BTD: variants seen among roughly 807,000 people sequenced by gnomAD.
The protein encoded by BTD is biocytinase.
Under a neutral mutation model 17.7 loss-of-function variants are expected in BTD, and 13 were observed. The observed-to-expected ratio is 0.74, with a 90% CI of 0.48 to 1.17. The LOEUF is 1.17. Ranked by LOEUF, BTD falls within the 50% of genes most tolerant of loss-of-function variation. The probability of loss-of-function intolerance (pLI) is 0.00; values close to 1 mark genes in which losing one functional copy is unlikely to be tolerated. For missense variants in BTD, 674 were observed against 650.4 expected (o/e 1.04, Z -0.39); for synonymous variants, 240 against 245.2 (o/e 0.98, Z 0.20).
rs912499874 is a variant in BTD at position 15,650,479 on chromosome 3, A to C, written c.*4991A>C. On this transcript the variant is annotated 3_prime_UTR_variant, in exon 4 of 4. Transcript: ENST00000643237. ...ATATTAACTCGTAACTGGGGAGTCT[A>C]AGAATAAATTCTCTTCAGCCATTGC... Among the ~76,000 whole-genome samples, 1 of 151,950 alleles carries C rather than the reference A, an allele frequency of 6.6e-6. No individual in the cohort carries two copies. The highest frequency in any genetic ancestry group is 2.4e-5 in the African/African-American group (1 of 41,394).
rs994104870 is a variant in BTD at position 15,647,343 on chromosome 3, A to G, written c.*1855A>G. 6.6e-6 allele frequency: 1 copy of G among 152,262 alleles called. No homozygotes were observed. Among genetic ancestry groups the G allele is most frequent in the South Asian group, 2.1e-4 (1 of 4,834 alleles). 9.4% of individuals were successfully genotyped at this position (152,262 alleles called of 1,614,324 possible). On this transcript the variant is annotated 3_prime_UTR_variant, in exon 4 of 4. Transcript: ENST00000643237. ...ATTGCCTTATGCCAAGATGATTCAAATAAGCCTGAGAAAGAGAGGCCAGCG... is the reference window on the plus strand; with the variant it reads ...ATTGCCTTATGCCAAGATGATTCAAGTAAGCCTGAGAAAGAGAGGCCAGCG...
Position 15,678,397 on chromosome 3 carries a change from T to A in BTD, c.400-31663T>A, listed in dbSNP as rs752537862. 83 of 1,535,192 alleles carry A rather than the reference T, an allele frequency of 5.4e-5. 2 individuals carry two copies. In the South Asian group the frequency reaches 9.5e-4, roughly 17 times the overall value. On this transcript the variant is annotated intron_variant, in intron 3 of 3. Coordinates refer to the BTD transcript ENST00000672141. ...TGAAATATATGACTAAATTTGAATG[T>A]TATATATGCTGGAAAAATATTCTTT...
At position 15,644,343 on chromosome 3, in the gene BTD, A is replaced by G. The variant is rs2065628851; in HGVS notation, c.427A>G (p.Ile143Val). Residue 143 changes from isoleucine to valine, a missense_variant, in exon 4 of 4, where the codon ATC becomes GTC. Ile to Val is a conservative substitution (Grantham distance 29). Transcript: ENST00000643237. ...EVLQRLSCMAIRGDMFLVANL... is the reference protein window; with the variant it reads ...EVLQRLSCMAVRGDMFLVANL... Reference sequence around the variant, plus strand: ...GCTCCAGCGCCTGAGTTGTATGGCCATCAGGGGAGATATGTTCTTGGTGGC... The same window carrying G: ...GCTCCAGCGCCTGAGTTGTATGGCCGTCAGGGGAGATATGTTCTTGGTGGC... 1.2e-6 allele frequency: 2 copies of G among 1,613,866 alleles called. No individual in the cohort carries two copies. The highest frequency in any genetic ancestry group is 1.7e-6 in the Non-Finnish European group (2 of 1,179,950).
Position 15,671,578 on chromosome 3 carries a change from G to GTTTTTT in BTD, c.399+29526_399+29531dup, listed in dbSNP as rs869032190. Among the ~76,000 whole-genome samples the GTTTTTT allele has an allele frequency of 2.1e-4, 30 of 141,344 alleles. 1 individual carries two copies. Among genetic ancestry groups the GTTTTTT allele is most frequent in the African/African-American group, 7.3e-4 (27 of 36,834 alleles). 92.7% of individuals were successfully genotyped at this position (141,344 alleles called of 152,430 possible). A position where few individuals can be genotyped will look rare whatever the true frequency, so the allele number is the denominator to read the frequency against. ...TCAACTTGGAGTCATAAACACTATA[G>GTTTTTT]TTTTTTTTTTGTTTTTTTTTTTTTG... On this transcript the variant is annotated intron_variant, in intron 3 of 3. Transcript: ENST00000672141.
At chr3:15,630,644 A>G (rs2065182597) in intron 1 of BTD, among the ~76,000 whole-genome samples, 1 of 152,178 alleles carries the variant, frequency 6.6e-6, no homozygotes, top group South Asian at 2.1e-4. Context: ...GCACAGTTAC[A>G]CTTCTGTATA....
rs547443129 is a variant in BTD, at chr3:15,665,477, CAA to C, written c.399+23423_399+23424del. Among the ~76,000 whole-genome samples, 15 of 152,294 alleles carry C rather than the reference CAA, an allele frequency of 9.8e-5. No homozygotes were observed. The South Asian group carries it at 2.5e-3, about 25-fold the overall frequency. The stretch of plus-strand genomic sequence containing the variant: ...ACTGCCAAGCAAGAACTTTCCAACT[CAA>C]AATACATGTTTGTTGCCCAGTTTTA... On this transcript the variant is annotated intron_variant, in intron 3 of 3. Transcript: ENST00000672141.
At chr3:15,609,225 T>G (rs550590476) in intron 1 of BTD, among the ~76,000 whole-genome samples, 1 of 152,314 alleles carries the variant, frequency 6.6e-6, no homozygotes, top group South Asian at 2.1e-4. Context: ...GATCAGAGAT[T>G]AATATACACC....
At chr3:15,644,083 C>G (rs2065618901) in intron 3 of BTD, among the ~76,000 whole-genome samples, 1 of 151,966 alleles carries the variant, frequency 6.6e-6, no homozygotes, top group Admixed American at 6.6e-5. Flanking sequence ...TCACTGCAAG[C>G]TCCGCCTACT....
At chr3:15,666,291 C>T (rs142444632) in intron 3 of BTD, among the ~76,000 whole-genome samples, 33 of 152,304 alleles carry the variant, frequency 2.2e-4, no homozygotes, top group Non-Finnish European at 4.0e-4. Flanking sequence ...CCAGATTGCA[C>T]GTCAGCAGTC....
rs114427862 is a variant in BTD at position 15,641,836 on chromosome 3, G to A, written c.250-72G>A. 1.0e-3 allele frequency: 1,206 copies of A among 1,178,026 alleles called. 4 individuals are homozygous for A. The African/African-American group carries it at 0.016, about 16-fold the overall frequency. 73.0% of individuals were successfully genotyped at this position (1,178,026 alleles called of 1,614,324 possible). ...CTGATGGTTGCCAAAAGAATGAACA[G>A]AAGAATGAATGAATGCAGCGGTTCT... On this transcript the variant is annotated intron_variant, in intron 2 of 3. Transcript: ENST00000643237.
chr3:15,635,586 G>A lies in BTD; in HGVS notation c.147G>A (p.Leu49=). 1 of 1,614,208 alleles carries A rather than the reference G, an allele frequency of 6.2e-7. No homozygotes were observed. The highest frequency in any genetic ancestry group is 8.5e-7 in the Non-Finnish European group (1 of 1,180,046). The change falls in exon 2 of 4, where the codon CTG becomes CTA. Residue 49 remains leucine (L), a synonymous_variant. Coordinates refer to ENST00000643237, the MANE Select transcript of BTD (RefSeq NM_001370658.1). This position sits in a 1 kb window ranked among gnomAD's most constrained non-coding sequence, Gnocchi z 4.1. ...CCGTGTATGAGCATCCATCCATCCT[G>A]AGTCTGAACCCTCTGGCTCTCATCA... ...VAAVYEHPSI[L]SLNPLALISR...
rs765652334 is a variant in BTD, at chr3:15,601,809, C to G, written c.-102C>G. On this transcript the variant is annotated 5_prime_UTR_variant, in exon 1 of 4. Coordinates refer to ENST00000643237, the MANE Select transcript of BTD (RefSeq NM_001370658.1). ...CTCTGAGGCCTCTCGCCATTGTCTCCGAGTCGGCCAGCTGGAGCGTTTTCG... is the reference window on the plus strand; with the variant it reads ...CTCTGAGGCCTCTCGCCATTGTCTCGGAGTCGGCCAGCTGGAGCGTTTTCG... The G allele has an allele frequency of 6.8e-6, 11 of 1,613,972 alleles. No individual in the cohort carries two copies. The South Asian group carries it at 8.8e-5, about 13-fold the overall frequency.
chr3:15,714,457 T>A (rs1455228273), downstream of BTD: 13 of 695,518 alleles, frequency 1.9e-5, no homozygotes, highest in Non-Finnish European at 2.3e-6. Context: ...TCTGAAATCA[T>A]GTATTAAAAA....
chr3:15,706,316 C>A (rs1449311184), intron 3 of BTD, among the ~76,000 whole-genome samples: 4 of 151,940 alleles, frequency 2.6e-5, no homozygotes, highest in African/African-American at 9.7e-5. Flanking sequence ...GTTCAATTCT[C>A]ACCTATGAGT....
chr3:15,679,883 T>C (rs1221482978), intron 3 of BTD, among the ~76,000 whole-genome samples: 4 of 149,500 alleles, frequency 2.7e-5, no homozygotes, highest in Non-Finnish European at 4.4e-5. Context: ...TTTCTTGTCA[T>C]ATACCCTAAA....
chr3:15,670,830 C>A (rs1025236170), intron 3 of BTD, among the ~76,000 whole-genome samples: 17 of 152,182 alleles, frequency 1.1e-4, no homozygotes, highest in African/African-American at 4.1e-4. Flanking sequence ...TTATCCGTAT[C>A]CATCTGAATT....
chr3:15,700,847 T>C (rs1375477761), intron 3 of BTD, among the ~76,000 whole-genome samples: 1 of 152,062 alleles, frequency 6.6e-6, no homozygotes, highest in Non-Finnish European at 1.5e-5. Context: ...AGCACTGAAA[T>C]AGCACTGGTA....
intron 2 of BTD, among the ~76,000 whole-genome samples, chr3:15,640,648 C>T (rs2065472575): frequency 6.6e-6 from 1 of 152,040 alleles, no homozygotes; most frequent in Non-Finnish European, 1.5e-5. Flanking sequence ...ACCTGGGCCT[C>T]CTGAAGTGCT....
chr3:15,640,025 A>G (rs983383792), intron 2 of BTD, among the ~76,000 whole-genome samples: 8 of 152,142 alleles, frequency 5.3e-5, no homozygotes, highest in Admixed American at 3.9e-4. Flanking sequence ...AATTACTTGA[A>G]CCCAGGAGGC....
Sources: gnomAD v4.1 joint callset for allele counts (sites outside exome capture counted in the v4.1 genomes callset) on GRCh38, gnomAD v4.1.1 for gene constraint, Gnocchi (gnomAD v3.1) non-coding constraint, MANE v1.5 for transcripts, NCBI Gene and HGNC (gene_info 2026-07-23, HGNC 2026-07-21) for gene names.